NEK6: variants seen among roughly 807,000 people sequenced by gnomAD.
NEK6 encodes the protein serine/threonine-protein kinase Nek6.
A neutral mutation model predicts 43.5 loss-of-function variants in NEK6; 27 were observed. The ratio of observed to expected loss-of-function variants is 0.62; its 90% confidence interval spans 0.46 to 0.86. The LOEUF is 0.86. NEK6 is among the 40% of genes least tolerant of loss of function. The probability of loss-of-function intolerance (pLI) is 0.00; values close to 1 mark genes in which losing one functional copy is unlikely to be tolerated. For synonymous variants in NEK6, 167 were observed against 164.1 expected, an observed-to-expected ratio of 1.02 and a Z score of -0.14; for missense variants, 318 against 414.4, an observed-to-expected ratio of 0.77 and a Z score of 2.02.
chr9:124,335,589 T>C (rs1352394501), intron 7 of NEK6, among the ~76,000 whole-genome samples: 1 of 152,248 alleles, frequency 6.6e-6, no homozygotes, highest in East Asian at 1.9e-4. Flanking sequence ...GGAAGAATTG[T>C]GGGCAGTGGC....
At chr9:124,346,139 C>T (rs1325317513) in intron 8 of NEK6, among the ~76,000 whole-genome samples, 1 of 152,216 alleles carries the variant, frequency 6.6e-6, no homozygotes, top group African/African-American at 2.4e-5. Context: ...GGCACTTGGC[C>T]TGGCCTGGGC....
At chr9:124,296,474 C>T (rs1832693820) in intron 1 of NEK6, among the ~76,000 whole-genome samples, 1 of 152,224 alleles carries the variant, frequency 6.6e-6, no homozygotes, top group African/African-American at 2.4e-5. Context: ...TTTGCCACGT[C>T]TACCCTCTGC....
chr9:124,315,407 TG>T (rs1221036406), intron 4 of NEK6, among the ~76,000 whole-genome samples: 5 of 152,162 alleles, frequency 3.3e-5, no homozygotes, highest in African/African-American at 7.2e-5. Context: ...CGGGGGGCCA[TG>T]GCTGGGTGTG....
intron 1 of NEK6, among the ~76,000 whole-genome samples, chr9:124,277,601 G>C (rs1160322631): frequency 6.6e-6 from 1 of 152,232 alleles, no homozygotes; most frequent in East Asian, 1.9e-4. Flanking sequence ...CTGCCGACTT[G>C]TGAGAATAAA....
intron 1 of NEK6, among the ~76,000 whole-genome samples, chr9:124,278,532 C>G (rs1302355253): frequency 6.6e-6 from 1 of 152,166 alleles, no homozygotes; most frequent in African/African-American, 2.4e-5. Flanking sequence ...ACCCAGGTGG[C>G]TGCAGGAGGA....
At chr9:124,258,452 G>T in intron 1 of NEK6, 1 of 597,658 alleles carries the variant, frequency 1.7e-6, no homozygotes, top group Non-Finnish European at 2.1e-6. Context: ...GCGCCGCAGG[G>T]AGTACGTGCG....
chr9:124,350,821 A>G lies in NEK6; in HGVS notation c.832-16A>G, dbSNP rs1304305968. The G allele has an allele frequency of 1.3e-6, 2 of 1,586,806 alleles. No homozygotes were observed. Among genetic ancestry groups the G allele is most frequent in the Admixed American group, 1.7e-5 (1 of 59,932 alleles). The stretch of plus-strand genomic sequence containing the variant: ...ACTGCTTTCTTGAGAATAACACACC[A>G]TTCTCTCCCCTGCAGTTACGAGAAC... On this transcript the variant is annotated splice_polypyrimidine_tract_variant and intron_variant, in intron 9 of 9. Coordinates refer to ENST00000320246, the MANE Select transcript of NEK6 (RefSeq NM_014397.6).
chr9:124,284,495 G>A (rs1327595725), intron 1 of NEK6, among the ~76,000 whole-genome samples: 1 of 152,262 alleles, frequency 6.6e-6, no homozygotes, highest in African/African-American at 2.4e-5. Context: ...GCACACGTTT[G>A]TTTAATGATT....
At chr9:124,267,393 C>T (rs899577097) in intron 1 of NEK6, among the ~76,000 whole-genome samples, 1 of 152,140 alleles carries the variant, frequency 6.6e-6, no homozygotes, top group Non-Finnish European at 1.5e-5. Context: ...AACAGGACCT[C>T]GAGTGGGCAC....
At chr9:124,292,910 G>C in intron 1 of NEK6, 3 of 1,509,880 alleles carry the variant, frequency 2.0e-6, no homozygotes, top group Non-Finnish European at 2.7e-6. Flanking sequence ...TGGGAGTGAC[G>C]GGGTGAGTCC....
chr9:124,271,037 GAAGGGA>G (rs887804160), intron 1 of NEK6, among the ~76,000 whole-genome samples: 1 of 152,248 alleles, frequency 6.6e-6, no homozygotes, highest in Non-Finnish European at 1.5e-5. Flanking sequence ...GATCTGATTT[GAAGGGA>G]AAGTTCTGTG....
intron 2 of NEK6, among the ~76,000 whole-genome samples, chr9:124,307,269 T>C (rs1833300920): frequency 6.6e-6 from 1 of 152,096 alleles, no homozygotes; most frequent in African/African-American, 2.4e-5. Flanking sequence ...CAGAGCTTTC[T>C]GGGTGGGGGG....
intron 2 of NEK6, among the ~76,000 whole-genome samples, chr9:124,308,456 A>G (rs1833367502): frequency 6.6e-6 from 1 of 152,280 alleles, no homozygotes; most frequent in African/African-American, 2.4e-5. Context: ...GTTCAAGACC[A>G]GCCTGGCCAA....
intron 7 of NEK6, among the ~76,000 whole-genome samples, chr9:124,335,163 T>G (rs1240807865): frequency 6.6e-6 from 1 of 152,200 alleles, no homozygotes; most frequent in African/African-American, 2.4e-5. Flanking sequence ...CACTTACATT[T>G]GTCCTGAGGT....
At chr9:124,292,728 C>G in intron 1 of NEK6, 2 of 1,147,730 alleles carry the variant, frequency 1.7e-6, no homozygotes, top group Non-Finnish European at 2.4e-6. Flanking sequence ...CTTCTCCCTC[C>G]TGGCCTCAGG....
chr9:124,329,464 CTTA>C (rs1201555704), intron 7 of NEK6, among the ~76,000 whole-genome samples: 2 of 152,220 alleles, frequency 1.3e-5, no homozygotes, highest in East Asian at 1.9e-4. Flanking sequence ...GACTGGTGCA[CTTA>C]TTATATTAAT....
intron 1 of NEK6, among the ~76,000 whole-genome samples, chr9:124,260,366 G>A (rs1197300779): frequency 1.3e-5 from 2 of 152,132 alleles, no homozygotes; most frequent in Non-Finnish European, 1.5e-5. Flanking sequence ...GTAGCACCAC[G>A]ATAGATGGTC....
chr9:124,317,784 T>G (rs1490266848), intron 4 of NEK6, among the ~76,000 whole-genome samples: 2 of 152,210 alleles, frequency 1.3e-5, no homozygotes, highest in Admixed American at 1.3e-4. Context: ...AGTATAGATA[T>G]GTTTCTGTGT....
chr9:124,284,381 G>A (rs2119005739), intron 1 of NEK6, among the ~76,000 whole-genome samples: 1 of 152,376 alleles, frequency 6.6e-6, no homozygotes, highest in East Asian at 1.9e-4. Context: ...ACTGGATGTG[G>A]ACTGATGGAG....
Sources: allele counts gnomAD v4.1 joint callset (sites outside exome capture counted in the v4.1 genomes callset), GRCh38; gene constraint gnomAD v4.1.1; transcripts MANE v1.5; gene names NCBI Gene and HGNC (gene_info 2026-07-23, HGNC 2026-07-21).